Variants in SEZ6L observed in about 807,000 individuals in gnomAD.
The protein encoded by SEZ6L is seizure related 6 homolog like.
In SEZ6L, 37 loss-of-function variants were observed where a neutral mutation model predicts 106.2. The ratio of observed to expected loss-of-function variants is 0.35; its 90% CI spans 0.27 to 0.46. The LOEUF is 0.46. SEZ6L is among the 20% of genes least tolerant of loss of function. The pLI is 1.00. For synonymous variants in SEZ6L, 541 were observed against 570.4 expected (o/e 0.95, Z 0.73); for missense variants, 1,172 against 1,332.8 (o/e 0.88, Z 1.88).
At chr22:26,181,380 C>T (rs16981470) in intron 1 of SEZ6L, among the ~76,000 whole-genome samples, 18,733 of 152,178 alleles carry the variant, frequency 0.12, 1,242 homozygotes, top group South Asian at 0.18. Flanking sequence ...GGAAAGCTAA[C>T]TTGGGGCCAA....
At chr22:26,209,185 C>A (rs185341347) in intron 1 of SEZ6L, among the ~76,000 whole-genome samples, 339 of 152,230 alleles carry the variant, frequency 2.2e-3, no homozygotes, top group Non-Finnish European at 4.0e-3. Context: ...GTTATAGTTA[C>A]TTCCTTGACA....
chr22:26,343,399 A>C (rs2145995943), intron 10 of SEZ6L, among the ~76,000 whole-genome samples: 1 of 151,848 alleles, frequency 6.6e-6, no homozygotes, highest in South Asian at 2.1e-4. Flanking sequence ...GCCAGTGTTC[A>C]GTTTGGCAAT....
chr22:26,223,025 C>T (rs927897373), intron 1 of SEZ6L, among the ~76,000 whole-genome samples: 5 of 152,108 alleles, frequency 3.3e-5, no homozygotes, highest in African/African-American at 9.7e-5. Context: ...ATGTCAATAG[C>T]GCCTAGGTTG....
intron 13 of SEZ6L, among the ~76,000 whole-genome samples, chr22:26,371,762 C>T (rs576918647): frequency 6.6e-6 from 1 of 152,250 alleles, no homozygotes; most frequent in Admixed American, 6.5e-5. Context: ...CTAGAAGCCC[C>T]ACAAGGTCAA....
intron 1 of SEZ6L, among the ~76,000 whole-genome samples, chr22:26,192,363 C>A (rs1041372202): frequency 1.3e-5 from 2 of 152,094 alleles, no homozygotes; most frequent in Admixed American, 1.3e-4. Flanking sequence ...TTAAAGAATT[C>A]TTATTGTAAC....
chr22:26,302,441 A>G (rs1049459416), intron 5 of SEZ6L, among the ~76,000 whole-genome samples: 2 of 152,206 alleles, frequency 1.3e-5, no homozygotes, highest in Non-Finnish European at 2.9e-5. Flanking sequence ...ATGGTGGTTG[A>G]GAGAGTATAG....
intron 10 of SEZ6L, among the ~76,000 whole-genome samples, chr22:26,343,576 C>G (rs1471018566): frequency 6.6e-6 from 1 of 152,142 alleles, no homozygotes; most frequent in Non-Finnish European, 1.5e-5. Context: ...CTTGACACCT[C>G]CTATATGCTA....
At chr22:26,266,603 AAATAAATAAAT>A (rs1256614843) in intron 1 of SEZ6L, among the ~76,000 whole-genome samples, 1 of 149,566 alleles carries the variant, frequency 6.7e-6, no homozygotes, top group African/African-American at 2.5e-5. Context: ...ATAAATAAAT[AAATAAATAAAT>A]AAATAGCAAC....
intron 1 of SEZ6L, among the ~76,000 whole-genome samples, chr22:26,284,003 CAG>C (rs1200960977): frequency 6.6e-6 from 1 of 152,206 alleles, no homozygotes; most frequent in Non-Finnish European, 1.5e-5. Context: ...AATGTTCAGA[CAG>C]ATAGAAAATG....
intron 1 of SEZ6L, among the ~76,000 whole-genome samples, chr22:26,255,445 A>C (rs529814601): frequency 2.0e-5 from 3 of 152,344 alleles, no homozygotes; most frequent in Non-Finnish European, 4.4e-5. Context: ...CCAAACAAAG[A>C]AGATGGCTAA....
intron 9 of SEZ6L, among the ~76,000 whole-genome samples, chr22:26,329,950 T>C (rs922227580): frequency 2.0e-5 from 3 of 152,292 alleles, no homozygotes; most frequent in African/African-American, 7.2e-5. Context: ...TTAGATCCTA[T>C]GATTTATTTC....
chr22:26,324,067 CA>C (rs1421021369), intron 9 of SEZ6L, among the ~76,000 whole-genome samples: 9 of 41,780 alleles, frequency 2.2e-4, no homozygotes, highest in South Asian at 5.4e-4. Flanking sequence ...TTTTTAACCA[CA>C]CACACACACA....
chr22:26,310,920 G>A, intron 7 of SEZ6L, 84 bp downstream of exon 7: 5 of 1,354,618 alleles, frequency 3.7e-6, no homozygotes, highest in Non-Finnish European at 5.1e-6. Context: ...ATAGAAATCT[G>A]GGCTGCGAAG....
intron 9 of SEZ6L, among the ~76,000 whole-genome samples, chr22:26,338,694 G>A (rs998498281): frequency 6.6e-6 from 1 of 152,028 alleles, no homozygotes; most frequent in Non-Finnish European, 1.5e-5. Context: ...CGAGTAGCTG[G>A]AACTACAGGC....
intron 13 of SEZ6L, among the ~76,000 whole-genome samples, chr22:26,365,918 T>C (rs1169631083): frequency 6.6e-6 from 1 of 152,108 alleles, no homozygotes; most frequent in Non-Finnish European, 1.5e-5. Flanking sequence ...GCTGCTGTAC[T>C]TCATTAAATC....
rs1303853445 is a variant in SEZ6L, at chr22:26,292,900, C to T, written c.589C>T (p.Pro197Ser). Residue 197 changes from proline (P) to serine (S), a missense_variant, in exon 2 of 17, where the codon CCC becomes TCC. Physicochemically the swap from Pro to Ser is moderately conservative, Grantham distance 74. Transcript: ENST00000248933. ...DRKESAVPTT[P>S]APLQISPFTS... ...AAAGGAGAGTGCGGTCCCTACAACA[C>T]CCGCACCCCTGCAAATCTCCCCCTT... 7.4e-6 allele frequency: 12 copies of T among 1,614,072 alleles called. No individual in the cohort carries two copies. The highest frequency in any genetic ancestry group is 1.3e-5 in the African/African-American group (1 of 74,940).
chr22:26,257,197 C>G (rs766140522), intron 1 of SEZ6L, among the ~76,000 whole-genome samples: 9 of 152,180 alleles, frequency 5.9e-5, no homozygotes, highest in Non-Finnish European at 1.2e-4. Flanking sequence ...CCAGCCCAAA[C>G]TTCAATTGTA....
rs1602033740 is a variant in SEZ6L, at chr22:26,208,035, G to A, written c.94+38272G>A. Among the ~76,000 whole-genome samples the A allele has an allele frequency of 2.6e-5, 4 of 151,624 alleles. No individual in the cohort carries two copies. The East Asian group carries it at 5.8e-4, about 22-fold the overall frequency. On this transcript the variant is annotated intron_variant, in intron 1 of 16. Coordinates refer to ENST00000248933, the MANE Select transcript of SEZ6L (RefSeq NM_021115.5). The stretch of plus-strand genomic sequence containing the variant: ...CGCCATTCTCCTGCCTCAGCCTCTC[G>A]TGTAGCTGGGACTACAGGCGCGCGC...
intron 1 of SEZ6L, among the ~76,000 whole-genome samples, chr22:26,277,357 G>A (rs988950876): frequency 6.6e-6 from 1 of 152,186 alleles, no homozygotes; most frequent in Non-Finnish European, 1.5e-5. Flanking sequence ...AGACTCAGGA[G>A]GTATCCAGGG....
Sources: gnomAD v4.1 joint callset for allele counts (sites outside exome capture counted in the v4.1 genomes callset) on GRCh38, gnomAD v4.1.1 for gene constraint, MANE v1.5 for transcripts, NCBI Gene and HGNC (gene_info 2026-07-23, HGNC 2026-07-21) for gene names.